TIE1: variants seen among roughly 807,000 people sequenced by gnomAD.
The protein encoded by TIE1 is tyrosine kinase with immunoglobulin like and EGF like domains 1.
In TIE1, 89 loss-of-function variants were observed where a neutral mutation model predicts 130.5. The ratio of observed to expected loss-of-function variants is 0.68; its 90% confidence interval spans 0.57 to 0.81. The LOEUF (loss-of-function observed/expected upper bound fraction) is 0.81, where lower values mean the gene tolerates loss of function less well. TIE1 is among the 40% of genes least tolerant of loss of function. The pLI is 0.00. For synonymous variants in TIE1, 568 were observed against 629.4 expected (o/e 0.90, Z 1.46); for missense variants, 1,392 against 1,559.8 (o/e 0.89, Z 1.81).
chr1:43,321,130 A>G lies in TIE1; in HGVS notation c.3108-139A>G, dbSNP rs558247989. On this transcript the variant is annotated intron_variant, in intron 19 of 22. Transcript: ENST00000372476. ...AAGGAGCTTCATTGGCGCAGAGACAACAGCTGGCCAAGGCCAGATACTTAC... is the reference window on the plus strand; with the variant it reads ...AAGGAGCTTCATTGGCGCAGAGACAGCAGCTGGCCAAGGCCAGATACTTAC... 1.6e-5 allele frequency: 14 copies of G among 861,492 alleles called. No individual in the cohort carries two copies. In the East Asian group the frequency reaches 2.4e-4, roughly 15 times the overall value. The allele number at this position is 861,492 out of a possible 1,614,324, so 53.4% of individuals were successfully genotyped here.
rs924164264 is a variant in TIE1, at chr1:43,309,263, C to G, written c.1189-125C>G. On this transcript the variant is annotated intron_variant, in intron 8 of 22. Transcript: ENST00000372476. This position sits in a 1 kb window ranked among gnomAD's most constrained non-coding sequence, Gnocchi z 6.3. ...GGCCTGACCATTGCTCACATGAGGT[C>G]AGGCTGATTGGTGAGGGGGCTGCCA... is the stretch of plus-strand genomic sequence containing the variant. The G allele has an allele frequency of 6.6e-7, 1 of 1,509,944 alleles. No individual in the cohort carries two copies. The highest frequency in any genetic ancestry group is 8.9e-7 in the Non-Finnish European group (1 of 1,127,970). The allele number at this position is 1,509,944 out of a possible 1,614,324, so 93.5% of individuals were successfully genotyped here.
Position 43,313,543 on chromosome 1 carries a change from G to A in TIE1, c.2218+118G>A. On this transcript the variant is annotated intron_variant, in intron 13 of 22. Coordinates refer to ENST00000372476, the MANE Select transcript of TIE1 (RefSeq NM_005424.5). This position sits in a 1 kb window ranked among gnomAD's most constrained non-coding sequence, Gnocchi z 6.2. The stretch of plus-strand genomic sequence containing the variant: ...GGCATCCCAGGCCCCTCCTGACAAA[G>A]AGTCAGCCCCAGTCCTGGGGACTCA... 7.5e-7 allele frequency: 1 copy of A among 1,335,778 alleles called. No individual in the cohort carries two copies. The highest frequency in any genetic ancestry group is 1.9e-4 in the Middle Eastern group (1 of 5,322). 82.7% of individuals were successfully genotyped at this position (1,335,778 alleles called of 1,614,324 possible).
chr1:43,304,741 C>A, intron 1 of TIE1, 110 bp from the exon 2 acceptor site: 1 of 1,190,782 alleles, frequency 8.4e-7, no homozygotes, highest in Non-Finnish European at 1.1e-6. Flanking sequence ...GGTTGGAGAC[C>A]CTCTTCTGAG....
At chr1:43,321,032 C>CAAAAAAAAAAAAAAA (rs752698629) in intron 19 of TIE1, among the ~76,000 whole-genome samples, 1 of 97,372 alleles carries the variant, frequency 1.0e-5, no homozygotes, top group Non-Finnish European at 2.0e-5. Flanking sequence ...GACCCTGTCT[C>CAAAAAAAAAAAAAAA]AAAAAAAAAA....
rs1557448417 is a variant in TIE1, at chr1:43,312,727, T to C, written c.1927+126T>C. ...ACATGGAGAGGACACAGGACACACATAGGGTATTAGGCAGACGTGACCCCA... is the reference window on the plus strand; with the variant it reads ...ACATGGAGAGGACACAGGACACACACAGGGTATTAGGCAGACGTGACCCCA... On this transcript the variant is annotated intron_variant, in intron 12 of 22. Coordinates refer to ENST00000372476, the MANE Select transcript of TIE1 (RefSeq NM_005424.5). The surrounding 1 kb of genome is among the most constrained non-coding windows in gnomAD (Gnocchi z 5.6). The C allele has an allele frequency of 8.8e-7, 1 of 1,133,356 alleles. No individual in the cohort carries two copies. Among genetic ancestry groups the C allele is most frequent in the Non-Finnish European group, 1.2e-6 (1 of 817,020 alleles). 70.2% of individuals were successfully genotyped at this position (1,133,356 alleles called of 1,614,324 possible). A position where few individuals can be genotyped will look rare whatever the true frequency, so the allele number is the denominator to read the frequency against.
At position 43,317,242 on chromosome 1, in the gene TIE1, T is replaced by C; in HGVS notation, c.2453T>C (p.Leu818Pro). The stretch of plus-strand genomic sequence containing the variant: ...CAGTTCAGCTCAGGGACCTTGACAC[T>C]TACCCGGCGGCCAAAACTGCAGCCC... ...ILQFSSGTLT[L>P]TRRPKLQPEP... is the part of the protein sequence containing the mutation. The change falls in exon 15 of 23, where the codon CTT becomes CCT. Residue 818 changes from leucine to proline, a missense_variant. This residue lies in a region of TIE1 where 286 missense variants were observed against 354.4 expected (regional missense o/e 0.81). Coordinates refer to ENST00000372476, the MANE Select transcript of TIE1 (RefSeq NM_005424.5). The surrounding 1 kb of genome is among the most constrained non-coding windows in gnomAD (Gnocchi z 5.1). 6.2e-7 allele frequency: 1 copy of C among 1,614,138 alleles called. No homozygotes were observed. Among genetic ancestry groups the C allele is most frequent in the Non-Finnish European group, 8.5e-7 (1 of 1,180,036 alleles).
chr1:43,309,144 T>C lies in TIE1; in HGVS notation c.1188+13T>C, dbSNP rs1646763104. The C allele has an allele frequency of 6.3e-7, 1 of 1,579,544 alleles. No individual in the cohort carries two copies. Among genetic ancestry groups the C allele is most frequent in the Non-Finnish European group, 8.6e-7 (1 of 1,159,178 alleles). On this transcript the variant is annotated intron_variant, in intron 8 of 22. Coordinates refer to ENST00000372476, the MANE Select transcript of TIE1 (RefSeq NM_005424.5). This position sits in a 1 kb window ranked among gnomAD's most constrained non-coding sequence, Gnocchi z 6.3. ...CACTGTGCTCCTGGTCAGCCCCCAATCACCCCAACCCACCAGCCCCTCAGG... is the reference window on the plus strand; with the variant it reads ...CACTGTGCTCCTGGTCAGCCCCCAACCACCCCAACCCACCAGCCCCTCAGG...
rs1045087808 is a variant in TIE1 at position 43,317,795 on chromosome 1, T to C, written c.2732-87T>C. On this transcript the variant is annotated intron_variant, in intron 16 of 22. Coordinates refer to ENST00000372476, the MANE Select transcript of TIE1 (RefSeq NM_005424.5). The surrounding 1 kb of genome is among the most constrained non-coding windows in gnomAD (Gnocchi z 5.1). ...CCTGTGCACCACCCTTGATCCTCCT[T>C]CATCCCTGTCTGTTACCATCGGGTG... is the stretch of plus-strand genomic sequence containing the variant. The C allele has an allele frequency of 2.2e-5, 34 of 1,520,148 alleles. No homozygotes were observed. The highest frequency in any genetic ancestry group is 6.9e-5 in the Admixed American group (4 of 58,172). 94.2% of individuals were successfully genotyped at this position (1,520,148 alleles called of 1,614,324 possible). A position where few individuals can be genotyped will look rare whatever the true frequency, so the allele number is the denominator to read the frequency against.
Position 43,306,773 on chromosome 1 carries a change from G to C in TIE1, c.485-67G>C. 3 of 1,535,084 alleles carry C rather than the reference G, an allele frequency of 2.0e-6. No homozygotes were observed. Among genetic ancestry groups the C allele is most frequent in the Non-Finnish European group, 2.6e-6 (3 of 1,139,018 alleles). ...GCTCATTGATGTGAGCTGAGCAGAG[G>C]TGGACAGAGAGAGGTGACACAGCCC... On this transcript the variant is annotated intron_variant, in intron 3 of 22. Coordinates refer to ENST00000372476, the MANE Select transcript of TIE1 (RefSeq NM_005424.5). The surrounding 1 kb of genome is among the most constrained non-coding windows in gnomAD (Gnocchi z 4.9).
At chr1:43,320,972 A>C in intron 19 of TIE1, 1 of 420,666 alleles carries the variant, frequency 2.4e-6, no homozygotes, top group Non-Finnish European at 4.2e-6. Context: ...TGATCCTGGG[A>C]GGTTGAGGCT....
intron 9 of TIE1, among the ~76,000 whole-genome samples, chr1:43,311,049 G>A (rs931236258): frequency 2.6e-5 from 4 of 152,206 alleles, no homozygotes; most frequent in African/African-American, 4.8e-5. Context: ...AGTGGGGCAG[G>A]AACAAGAAGG....
At chr1:43,305,505 A>G (rs1422643734) in intron 3 of TIE1, among the ~76,000 whole-genome samples, 162 bp downstream of exon 3, 1 of 152,104 alleles carries the variant, frequency 6.6e-6, no homozygotes, top group Non-Finnish European at 1.5e-5. Flanking sequence ...GCCTGCACCC[A>G]TCTTATCTGT....
intron 1 of TIE1, among the ~76,000 whole-genome samples, chr1:43,301,345 G>A (rs1395093647): frequency 6.6e-6 from 1 of 152,130 alleles, no homozygotes; most frequent in African/African-American, 2.4e-5. Flanking sequence ...CATGGGGCCG[G>A]GTGCGGTGGT....
chr1:43,304,305 C>T (rs1646700597), intron 1 of TIE1, among the ~76,000 whole-genome samples: 2 of 152,196 alleles, frequency 1.3e-5, no homozygotes, highest in African/African-American at 4.8e-5. Flanking sequence ...TCCCAGCCCA[C>T]CAGACATTTC....
In TIE1 at chr1:43,307,729, C is replaced by T. The variant is rs1157895125; in HGVS notation, c.914-67C>T. Reference sequence around the variant, plus strand: ...TGTTGTATAACCTGTGCCCCATCTGCGCCCTCATCTGTGCCCTCATTGCCC... The same window carrying T: ...TGTTGTATAACCTGTGCCCCATCTGTGCCCTCATCTGTGCCCTCATTGCCC... On this transcript the variant is annotated intron_variant, in intron 6 of 22. Coordinates refer to ENST00000372476, the MANE Select transcript of TIE1 (RefSeq NM_005424.5). This position sits in a 1 kb window ranked among gnomAD's most constrained non-coding sequence, Gnocchi z 5.4. 1.7e-5 allele frequency: 27 copies of T among 1,605,210 alleles called. No homozygotes were observed. Among genetic ancestry groups the T allele is most frequent in the African/African-American group, 1.1e-4 (8 of 74,804 alleles).
intron 7 of TIE1, 132 bp from the exon 8 acceptor site, chr1:43,308,854 C>A: frequency 8.2e-7 from 1 of 1,224,356 alleles, no homozygotes; most frequent in Non-Finnish European, 1.2e-6. Context: ...GTCATGCGGG[C>A]CTTTGCTGGT....
intron 1 of TIE1, among the ~76,000 whole-genome samples, chr1:43,301,910 C>T (rs1364416373): frequency 2.6e-5 from 4 of 152,132 alleles, no homozygotes; most frequent in Non-Finnish European, 5.9e-5. Context: ...ATGCATTTCA[C>T]CACAACAAAA....
Position 43,306,911 on chromosome 1 carries a change from C to T in TIE1, c.556C>T (p.Gln186Ter). The T allele has an allele frequency of 1.2e-6, 2 of 1,614,030 alleles. No individual in the cohort carries two copies. The highest frequency in any genetic ancestry group is 1.7e-6 in the Non-Finnish European group (2 of 1,180,012). Residue 186 changes from glutamine (Q) to a stop codon, truncating the protein, a stop_gained, in exon 4 of 23, where the codon CAG (glutamine) becomes TAG (stop). Transcript: ENST00000372476. LOFTEE classifies it high-confidence loss of function. The surrounding 1 kb of genome is among the most constrained non-coding windows in gnomAD (Gnocchi z 4.9). ...GTTCCTGCTGCAGCTCCCAAATGTG[C>T]AGCCACCATCGAGCGGCATCTACAG... ...GRFLLQLPNV[Q>*]PPSSGIYSAT... is the part of the protein sequence containing the mutation.
At chr1:43,301,404 T>C (rs560942155) in intron 1 of TIE1, among the ~76,000 whole-genome samples, 2 of 152,020 alleles carry the variant, frequency 1.3e-5, no homozygotes, top group South Asian at 4.1e-4. Context: ...GGAGGATCAA[T>C]TGAGGCCAGG....
Sources: allele counts gnomAD v4.1 joint callset (sites outside exome capture counted in the v4.1 genomes callset), GRCh38; gene constraint gnomAD v4.1.1; regional missense constraint gnomAD v4.1.1; non-coding constraint Gnocchi (gnomAD v3.1); transcripts MANE v1.5; gene names NCBI Gene and HGNC (gene_info 2026-07-23, HGNC 2026-07-21).